The following CROCC variants were observed in gnomAD, a reference collection of about 807,000 sequenced individuals.
CROCC encodes the protein rootletin.
In CROCC, 180 loss-of-function variants were observed where a neutral mutation model predicts 245.2. The observed-to-expected ratio is 0.73, with a 90% CI of 0.65 to 0.83. The LOEUF (loss-of-function observed/expected upper bound fraction) is 0.83. Ranked by LOEUF, CROCC falls within the 40% of genes least tolerant of loss-of-function variation. The probability of loss-of-function intolerance (pLI) is 0.00; values close to 1 mark genes in which losing one functional copy is unlikely to be tolerated. For missense variants in CROCC, 2,688 were observed against 2,779.4 expected, an observed-to-expected ratio of 0.97 and a Z score of 0.74; for synonymous variants, 1,205 against 1,241.6, an observed-to-expected ratio of 0.97 and a Z score of 0.62.
chr1:16,945,385 G>C, intron 14 of CROCC, 77 bp from the exon 15 acceptor site: 1 of 1,591,028 alleles, frequency 6.3e-7, no homozygotes. Flanking sequence ...CTGGTCCCCA[G>C]CCCAGCATCT....
chr1:16,926,376 G>A (rs2075535108), intron 3 of CROCC, among the ~76,000 whole-genome samples: 1 of 152,248 alleles, frequency 6.6e-6, no homozygotes, highest in Non-Finnish European at 1.5e-5. Flanking sequence ...TGAGACCCTT[G>A]GTCCAGGGCT....
At chr1:16,959,077 C>T (rs565358300) in intron 26 of CROCC, among the ~76,000 whole-genome samples, 4 of 152,290 alleles carry the variant, frequency 2.6e-5, no homozygotes, top group South Asian at 2.1e-4. Flanking sequence ...GGCTGGAGTG[C>T]GCTGGCACCA....
At chr1:16,939,220 GCGGGGGCAGGTC>G in intron 12 of CROCC, 78 bp downstream of exon 12, 1 of 1,246,014 alleles carries the variant, frequency 8.0e-7, no homozygotes, top group Non-Finnish European at 1.0e-6. Flanking sequence ...GGGGGCGGGG[GCGGGGGCAGGTC>G]CGGGGCCAGG....
At chr1:16,925,294 C>A (rs113310303) in intron 3 of CROCC, among the ~76,000 whole-genome samples, 1 of 152,250 alleles carries the variant, frequency 6.6e-6, no homozygotes, top group African/African-American at 2.4e-5. Context: ...ATGTGCCAGG[C>A]GCGTGCTGAG....
intron 8 of CROCC, among the ~76,000 whole-genome samples, chr1:16,931,746 A>T (rs1420872384): frequency 6.6e-6 from 1 of 152,092 alleles, no homozygotes; most frequent in East Asian, 1.9e-4. Flanking sequence ...GCTGAGTCAG[A>T]GTTTGAAGTT....
rs34364208 is a variant in CROCC at position 16,971,210 on chromosome 1, AGTGTGTGTGTGTGTGT to A, written c.5785-228_5785-213del. On this transcript the variant is annotated intron_variant, in intron 35 of 36. Transcript: ENST00000375541. ...TTTGTGCCTGTGTGTATGATGTCTG[AGTGTGTGTGTGTGTGT>A]GTGTGTGTGTGTGTGTGTGTGTGTG... Among the ~76,000 whole-genome samples the A allele has an allele frequency of 6.5e-4, 93 of 144,126 alleles. 1 individual carries two copies. The East Asian group carries it at 0.015, about 23-fold the overall frequency. The allele number at this position is 144,126 out of a possible 152,430, so 94.6% of individuals were successfully genotyped here. A position where few individuals can be genotyped will look rare whatever the true frequency, so the allele number is the denominator to read the frequency against.
rs1446425235 is a variant in CROCC at position 16,938,928 on chromosome 1, A to G, written c.1394A>G (p.Glu465Gly). Residue 465 changes from glutamate to glycine, a missense_variant, in exon 12 of 37, where the codon GAG (glutamate) becomes GGG (glycine). Physicochemically the swap from Glu to Gly is moderately conservative, Grantham distance 98. This residue lies in a region of CROCC where 972 missense variants were observed against 895.3 expected (regional missense o/e 1.09). Coordinates refer to ENST00000375541, the MANE Select transcript of CROCC (RefSeq NM_014675.5). ...DLAQAVLSDS[E>G]SGVQLSGSER... is the part of the protein sequence containing the mutation. The stretch of plus-strand genomic sequence containing the variant: ...CCTCAGGCCGTCTTGTCAGACTCTG[A>G]GAGCGGCGTCCAGCTGAGCGGCTCT... The G allele has an allele frequency of 4.6e-5, 74 of 1,602,680 alleles. No individual in the cohort carries two copies. Among genetic ancestry groups the G allele is most frequent in the Non-Finnish European group, 5.5e-5 (65 of 1,176,938 alleles).
In CROCC at chr1:16,955,413, G is replaced by C; in HGVS notation, c.3567G>C (p.Glu1189Asp). 6.2e-7 allele frequency: 1 copy of C among 1,602,772 alleles called. No homozygotes were observed. ...EAQRKLRESQ[E>D]GREVQRQEAG... is the part of the protein sequence containing the mutation. ...AGCGCAAGCTGCGTGAGAGCCAGGA[G>C]GGCCGGGAGGTGCAGCGCCAGGAGG... The change falls in exon 24 of 37, where the codon GAG becomes GAC. Residue 1189 changes from glutamate to aspartate, a missense_variant. By Grantham distance (45) the Glu-to-Asp change is conservative. Around this residue, in one of 9 missense-constraint regions of CROCC, gnomAD observed 1,218 missense variants for 1,286.3 expected, o/e 0.95. Coordinates refer to ENST00000375541, the MANE Select transcript of CROCC (RefSeq NM_014675.5).
At chr1:16,947,818 TG>T (rs2076083395) in intron 17 of CROCC, among the ~76,000 whole-genome samples, 1 of 152,232 alleles carries the variant, frequency 6.6e-6, no homozygotes, top group Non-Finnish European at 1.5e-5. Context: ...TCATTTTTTT[TG>T]TTTCATTTTG....
chr1:16,939,877 GA>G lies in CROCC; in HGVS notation c.1609-16del. 6.2e-7 allele frequency: 1 copy of G among 1,611,166 alleles called. No individual in the cohort carries two copies. Among genetic ancestry groups the G allele is most frequent in the Non-Finnish European group, 8.5e-7 (1 of 1,179,382 alleles). ...CCTCTCAGGCCCCCCCAGACTCTGT[GA>G]CCCCCCACACCCCAGGACATGCGTG... On this transcript the variant is annotated splice_polypyrimidine_tract_variant and intron_variant, in intron 12 of 36. Transcript: ENST00000375541.
chr1:16,958,003 T>G (rs76074825), intron 25 of CROCC, among the ~76,000 whole-genome samples: 83 of 151,852 alleles, frequency 5.5e-4, no homozygotes, highest in Non-Finnish European at 9.6e-4. Flanking sequence ...TACCCCTCCC[T>G]GCTCCTGTGG....
In CROCC at chr1:16,922,565, G is replaced by C. The variant is rs559094725; in HGVS notation, c.61-98G>C. 4.1e-6 allele frequency: 6 copies of C among 1,471,218 alleles called. No homozygotes were observed. In the African/African-American group the frequency reaches 7.0e-5, roughly 17 times the overall value. 91.1% of individuals were successfully genotyped at this position (1,471,218 alleles called of 1,614,324 possible). ...ACTCCATCTTGAGGGGGCTCCTGGG[G>C]ACCTGTATCTTGGGCAGTAGGATTC... is the stretch of plus-strand genomic sequence containing the variant. On this transcript the variant is annotated intron_variant, in intron 1 of 36. Transcript: ENST00000375541.
Position 16,951,089 on chromosome 1 carries a change from C to A in CROCC, c.2973C>A (p.His991Gln). Residue 991 changes from histidine (H) to glutamine (Q), a missense_variant, in exon 20 of 37, where the codon CAC (histidine) becomes CAA (glutamine). This residue lies in a region of CROCC where 106 missense variants were observed against 126.1 expected (regional missense o/e 0.84). Transcript: ENST00000375541. ...QASLREQRAA[H>Q]EEDLQRLQRE... is the part of the protein sequence containing the mutation. ...CTCTGCGGGAGCAGCGGGCAGCTCA[C>A]GAGGAGGACTTACAGCGACTCCAGC... 2 of 1,588,130 alleles carry A rather than the reference C, an allele frequency of 1.3e-6. No individual in the cohort carries two copies. The highest frequency in any genetic ancestry group is 1.7e-6 in the Non-Finnish European group (2 of 1,168,694).
intron 19 of CROCC, among the ~76,000 whole-genome samples, chr1:16,949,554 G>A (rs1229661060): frequency 1.3e-5 from 2 of 152,254 alleles, no homozygotes; most frequent in Non-Finnish European, 2.9e-5. Flanking sequence ...ACGTTTGACG[G>A]GTATGTTCAT....
At position 16,948,366 on chromosome 1, in the gene CROCC, G is replaced by A. The variant is rs1259527704; in HGVS notation, c.2550G>A (p.Leu850=). 1.3e-6 allele frequency: 2 copies of A among 1,580,288 alleles called. No homozygotes were observed. Among genetic ancestry groups the A allele is most frequent in the Non-Finnish European group, 1.7e-6 (2 of 1,166,596 alleles). ...SRQLSGREQE[L]EQARREAQRQ... ...AGCTGAGCGGGCGGGAGCAGGAGCT[G>A]GAGCAGGCCCGGCGGGAGGCCCAGC... Residue 850 remains leucine (L), a synonymous_variant, in exon 18 of 37, where the codon CTG becomes CTA. Coordinates refer to ENST00000375541, the MANE Select transcript of CROCC (RefSeq NM_014675.5).
In CROCC at chr1:16,944,966, C is replaced by G. The variant is rs556573163; in HGVS notation, c.1992-496C>G. On this transcript the variant is annotated intron_variant, in intron 14 of 36. Transcript: ENST00000375541. ...CCTTAAAACAGGCCGGGCGCAGTGG[C>G]TCACGCCTGTAATCCCAGCACTTTG... is the stretch of plus-strand genomic sequence containing the variant. 2.5e-4 allele frequency among the ~76,000 whole-genome samples: 38 copies of G among 152,382 alleles called. No individual in the cohort carries two copies. The South Asian group carries it at 7.9e-3, about 32-fold the overall frequency.
At chr1:16,922,138 G>A (rs2075421643) in intron 1 of CROCC, 60 bp downstream of exon 1, 2 of 1,418,490 alleles carry the variant, frequency 1.4e-6, no homozygotes, top group South Asian at 2.8e-5. Flanking sequence ...CTTAACAGGA[G>A]TGGTGAGAGG....
At position 16,969,940 on chromosome 1, in the gene CROCC, G is replaced by A. The variant is rs372805639; in HGVS notation, c.5451+6G>A. 3.2e-6 allele frequency: 5 copies of A among 1,580,998 alleles called. No individual in the cohort carries two copies. The African/African-American group carries it at 6.7e-5, about 21-fold the overall frequency. Reference sequence around the variant, plus strand: ...AGCTACAACAGCTACGGGAGGTGAGGGCCAGGGTGTGCCCCCTCTGTCCCC... The same window carrying A: ...AGCTACAACAGCTACGGGAGGTGAGAGCCAGGGTGTGCCCCCTCTGTCCCC... On this transcript the variant is annotated splice_donor_region_variant and intron_variant, in intron 33 of 36. Transcript: ENST00000375541.
Position 16,971,467 on chromosome 1 carries a change from G to A in CROCC, c.5787G>A (p.Ala1929=), listed in dbSNP as rs1337049595. Residue 1929 remains alanine, a splice_region_variant and synonymous_variant, in exon 36 of 37, where the codon GCG becomes GCA. Coordinates refer to ENST00000375541, the MANE Select transcript of CROCC (RefSeq NM_014675.5). Reference sequence around the variant, plus strand: ...CGGACCACAGCCCCTCCCTGCAGGCGCAGGTGGTGGTGCTGGAGCAGAGCC... The same window carrying A: ...CGGACCACAGCCCCTCCCTGCAGGCACAGGTGGTGGTGCTGGAGCAGAGCC... ...EAQRQIQQLE[A]QVVVLEQSHS... 23 of 1,533,608 alleles carry A rather than the reference G, an allele frequency of 1.5e-5. No individual in the cohort carries two copies. The highest frequency in any genetic ancestry group is 4.9e-5 in the East Asian group (2 of 40,800).
Sources: gnomAD v4.1 joint callset for allele counts (sites outside exome capture counted in the v4.1 genomes callset) on GRCh38, gnomAD v4.1.1 for gene constraint, gnomAD v4.1.1 regional missense constraint, MANE v1.5 for transcripts, NCBI Gene and HGNC (gene_info 2026-07-23, HGNC 2026-07-21) for gene names.